GUCA1C: variants seen among roughly 807,000 people sequenced by gnomAD.
The protein encoded by GUCA1C is guanylate cyclase activator 1C.
A neutral mutation model predicts 16.2 loss-of-function variants in GUCA1C; 15 were observed. The ratio of observed to expected loss-of-function variants is 0.93; its 90% confidence interval spans 0.62 to 1.43. The LOEUF (loss-of-function observed/expected upper bound fraction) is 1.43, where lower values mean the gene tolerates loss of function less well. Ranked by LOEUF, GUCA1C falls within the 40% of genes most tolerant of loss-of-function variation. The probability of loss-of-function intolerance (pLI) is 0.00; values close to 1 mark genes in which losing one functional copy is unlikely to be tolerated. For missense variants in GUCA1C, 275 were observed against 244.8 expected (o/e 1.12, Z -0.82); for synonymous variants, 78 against 85.4 (o/e 0.91, Z 0.48).
At chr3:108,932,340 CA>C (rs71106611) in intron 1 of GUCA1C, among the ~76,000 whole-genome samples, 40,568 of 117,432 alleles carry the variant, frequency 0.35, 6,492 homozygotes, top group African/African-American at 0.38. Flanking sequence ...AAAAAAAAAA[CA>C]AAAAAAAAAA....
chr3:108,936,647 G>C (rs987799694), intron 1 of GUCA1C, among the ~76,000 whole-genome samples: 1 of 152,190 alleles, frequency 6.6e-6, no homozygotes, highest in African/African-American at 2.4e-5. Context: ...GACTTGAGTA[G>C]ATGGGACACG....
intron 1 of GUCA1C, among the ~76,000 whole-genome samples, chr3:108,950,426 G>A (rs1946885894): frequency 6.6e-6 from 1 of 152,056 alleles, no homozygotes; most frequent in Non-Finnish European, 1.5e-5. Flanking sequence ...TGAGATTTCT[G>A]GTTCATATGG....
In GUCA1C at chr3:108,953,652, T is replaced by C. The variant is rs769242795; in HGVS notation, c.111A>G (p.Leu37=). Residue 37 remains leucine (L), a synonymous_variant, in exon 1 of 4, where the codon CTA becomes CTG. Transcript: ENST00000261047. ...MMEYPSGLQT[L]HEFKTLLGLQ... is the part of the protein sequence containing the mutation. ...GACCCAAAAGTGTCTTAAATTCATG[T>C]AGTGTTTGCAGGCCGGATGGATATT... The C allele has an allele frequency of 6.2e-6, 10 of 1,612,644 alleles. No homozygotes were observed. The highest frequency in any genetic ancestry group is 4.0e-5 in the African/African-American group (3 of 74,904).
At position 108,948,037 on chromosome 3, in the gene GUCA1C, C is replaced by T. The variant is rs1286175075; in HGVS notation, c.204+5522G>A. Among the ~76,000 whole-genome samples, 9 of 152,308 alleles carry T rather than the reference C, an allele frequency of 5.9e-5. No individual in the cohort carries two copies. In the South Asian group the frequency reaches 1.0e-3, roughly 18 times the overall value. On this transcript the variant is annotated intron_variant, in intron 1 of 3. Coordinates refer to ENST00000261047, the MANE Select transcript of GUCA1C (RefSeq NM_005459.4). ...AGCTCACTGGGCTTTCTGCATATAGCTGTTGATCTGGACTTTCCTGTTCTA... is the reference window on the plus strand; with the variant it reads ...AGCTCACTGGGCTTTCTGCATATAGTTGTTGATCTGGACTTTCCTGTTCTA...
At chr3:108,938,496 AAC>A (rs1946752549) in intron 1 of GUCA1C, among the ~76,000 whole-genome samples, 1 of 152,224 alleles carries the variant, frequency 6.6e-6, no homozygotes, top group African/African-American at 2.4e-5. Context: ...ACATTTTAGG[AAC>A]TTTAAAAATA....
At chr3:108,912,103 C>CAATAATAATAATAATAATAATCAT (rs1946461822) in intron 3 of GUCA1C, among the ~76,000 whole-genome samples, 4 of 125,700 alleles carry the variant, frequency 3.2e-5, no homozygotes, top group Non-Finnish European at 5.3e-5. Flanking sequence ...GACTCCGTCT[C>CAATAATAATAATAATAATAATCAT]AATAATAATA....
intron 1 of GUCA1C, among the ~76,000 whole-genome samples, chr3:108,950,785 A>G (rs1191131501): frequency 6.6e-6 from 1 of 152,196 alleles, no homozygotes; most frequent in Admixed American, 6.5e-5. Context: ...AAGCTGTGAA[A>G]TGTGAGGTTG....
At chr3:108,913,658 A>G (rs1360723339) in intron 3 of GUCA1C, among the ~76,000 whole-genome samples, 2 of 152,204 alleles carry the variant, frequency 1.3e-5, no homozygotes, top group Non-Finnish European at 2.9e-5. Context: ...ATTTTTATAC[A>G]AAAGCAAGTT....
intron 1 of GUCA1C, among the ~76,000 whole-genome samples, chr3:108,931,268 G>A (rs991370639): frequency 1.4e-5 from 2 of 144,946 alleles, no homozygotes; most frequent in African/African-American, 5.1e-5. Context: ...GCTAAATAGA[G>A]CAATGTTGCC....
chr3:108,911,123 C>T (rs1303663473), intron 3 of GUCA1C, among the ~76,000 whole-genome samples: 2 of 152,164 alleles, frequency 1.3e-5, no homozygotes, highest in East Asian at 3.8e-4. Context: ...CCTTTCATCA[C>T]TCACTACCAA....
At chr3:108,934,915 G>A (rs1238615653) in intron 1 of GUCA1C, among the ~76,000 whole-genome samples, 2 of 137,302 alleles carry the variant, frequency 1.5e-5, no homozygotes, top group African/African-American at 2.7e-5. Context: ...CCGGGTTCAC[G>A]CCATTCTCCT....
At chr3:108,945,996 T>C (rs1038399296) in intron 1 of GUCA1C, among the ~76,000 whole-genome samples, 3 of 152,352 alleles carry the variant, frequency 2.0e-5, no homozygotes, top group Admixed American at 6.5e-5. Context: ...ATTTACTCTA[T>C]GGAAATCAGC....
At chr3:108,930,494 C>A (rs925910027) in intron 1 of GUCA1C, among the ~76,000 whole-genome samples, 1 of 152,198 alleles carries the variant, frequency 6.6e-6, no homozygotes, top group Non-Finnish European at 1.5e-5. Flanking sequence ...ATGTTGGAAG[C>A]TAATACGGTA....
chr3:108,938,832 C>G (rs1156978896), intron 1 of GUCA1C, among the ~76,000 whole-genome samples: 1 of 152,172 alleles, frequency 6.6e-6, no homozygotes, highest in Non-Finnish European at 1.5e-5. Flanking sequence ...AGACAAATGA[C>G]TTCTCATAAT....
intron 1 of GUCA1C, among the ~76,000 whole-genome samples, chr3:108,934,906 C>T (rs1034829937): frequency 6.6e-5 from 10 of 150,644 alleles, no homozygotes; most frequent in South Asian, 2.1e-4. Flanking sequence ...CTCCGCCTCC[C>T]GGGTTCACGC....
intron 1 of GUCA1C, among the ~76,000 whole-genome samples, chr3:108,923,190 T>C (rs1207176309): frequency 2.0e-5 from 3 of 152,210 alleles, no homozygotes; most frequent in African/African-American, 4.8e-5. Context: ...TATGTATTTA[T>C]TTTTGTTTTT....
At chr3:108,926,945 ATTTG>A (rs1353647146) in intron 1 of GUCA1C, among the ~76,000 whole-genome samples, 4 of 152,070 alleles carry the variant, frequency 2.6e-5, no homozygotes, top group Non-Finnish European at 5.9e-5. Context: ...TTCTCTCAGT[ATTTG>A]TTTGTCTGTA....
intron 1 of GUCA1C, among the ~76,000 whole-genome samples, chr3:108,933,810 C>G (rs1047644951): frequency 2.6e-5 from 4 of 152,108 alleles, no homozygotes; most frequent in African/African-American, 4.8e-5. Flanking sequence ...TACAATTTGA[C>G]CCAGCAATCC....
chr3:108,951,226 G>A (rs901941654), intron 1 of GUCA1C, among the ~76,000 whole-genome samples: 2 of 152,018 alleles, frequency 1.3e-5, no homozygotes, highest in Admixed American at 6.6e-5. Flanking sequence ...ACACCATGAG[G>A]ACTACAGTAA....
Sources: allele counts gnomAD v4.1 joint callset (sites outside exome capture counted in the v4.1 genomes callset), GRCh38; gene constraint gnomAD v4.1.1; transcripts MANE v1.5; gene names NCBI Gene and HGNC (gene_info 2026-07-23, HGNC 2026-07-21).